The following SLC12A1 variants were observed in gnomAD, a reference collection of about 807,000 sequenced individuals.
The protein encoded by SLC12A1 is Na-K-2Cl cotransporter.
In SLC12A1, 89 loss-of-function variants were observed where a neutral mutation model predicts 130.4. The ratio of observed to expected loss-of-function variants is 0.68; its 90% CI spans 0.58 to 0.81. The LOEUF is 0.81. SLC12A1 is among the 40% of genes least tolerant of loss of function. SLC12A1 has a pLI of 0.00. For synonymous variants in SLC12A1, 499 were observed against 460.0 expected (o/e 1.08, Z -1.09); for missense variants, 1,310 against 1,336.4 (o/e 0.98, Z 0.31).
chr15:48,279,983 C>T (rs1170531727), intron 20 of SLC12A1, among the ~76,000 whole-genome samples: 1 of 151,840 alleles, frequency 6.6e-6, no homozygotes, highest in Non-Finnish European at 1.5e-5. Context: ...GTTGATTGAC[C>T]AAGGAAAGAA....
At chr15:48,269,633 C>T (rs1300091466) in intron 18 of SLC12A1, 25 bp from the exon 19 acceptor site, 1 of 1,329,682 alleles carries the variant, frequency 7.5e-7, no homozygotes, top group Non-Finnish European at 1.1e-6. Flanking sequence ...TAAGGATTGC[C>T]CACATTTTTA....
At chr15:48,243,825 G>A (rs1370682568) in intron 10 of SLC12A1, among the ~76,000 whole-genome samples, 1 of 152,186 alleles carries the variant, frequency 6.6e-6, no homozygotes, top group African/African-American at 2.4e-5. Flanking sequence ...GGTAGAGTTT[G>A]AAATCCAAAG....
intron 19 of SLC12A1, among the ~76,000 whole-genome samples, chr15:48,270,270 T>C (rs2041878646): frequency 6.6e-6 from 1 of 152,178 alleles, no homozygotes; most frequent in South Asian, 2.1e-4. Flanking sequence ...TTTCCGGTGG[T>C]ACATAACCTC....
intron 7 of SLC12A1, among the ~76,000 whole-genome samples, chr15:48,232,261 C>T (rs543085477): frequency 6.6e-6 from 1 of 152,344 alleles, no homozygotes; most frequent in Admixed American, 6.5e-5. Flanking sequence ...CACACAGCGG[C>T]AGCCTGACGT....
At chr15:48,289,254 C>T (rs749378922) in intron 23 of SLC12A1, among the ~76,000 whole-genome samples, 42 of 151,306 alleles carry the variant, frequency 2.8e-4, no homozygotes, top group Non-Finnish European at 5.7e-4. Context: ...AGCTCTTAGT[C>T]CCTCAGGGCA....
chr15:48,301,502 T>TGCGGAG lies in SLC12A1; in HGVS notation c.3164+121_3164+122insCGGAGG, dbSNP rs60810487. ...TTTTGTTTTGTTTTTGTGTTTTTTTTGGGGGGGGGAACACGTGGGATTCTT... is the reference window on the plus strand; with the variant it reads ...TTTTGTTTTGTTTTTGTGTTTTTTTTGCGGAGGGGGGGGGGAACACGTGGGATTCTT... On this transcript the variant is annotated intron_variant, in intron 26 of 26. Coordinates refer to ENST00000380993, the MANE Select transcript of SLC12A1 (RefSeq NM_000338.3). 3.7e-4 allele frequency: 162 copies of TGCGGAG among 439,852 alleles called. 1 individual carries two copies. The highest frequency in any genetic ancestry group is 5.2e-4 in the Non-Finnish European group (145 of 277,466). The allele number at this position is 439,852 out of a possible 1,614,324, so 27.2% of individuals were successfully genotyped here.
At chr15:48,276,096 G>T (rs145059065) in intron 20 of SLC12A1, among the ~76,000 whole-genome samples, 2 of 152,186 alleles carry the variant, frequency 1.3e-5, no homozygotes, top group Non-Finnish European at 2.9e-5. Flanking sequence ...GGAGTTGATT[G>T]AATGTGTGGG....
At chr15:48,271,230 A>G (rs978884704) in intron 19 of SLC12A1, among the ~76,000 whole-genome samples, 6 of 152,198 alleles carry the variant, frequency 3.9e-5, no homozygotes, top group East Asian at 1.9e-4. Context: ...AAAAGAAAAG[A>G]AAGTTGAGCA....
In SLC12A1 at chr15:48,267,603, G is replaced by A; in HGVS notation, c.2197G>A (p.Ala733Thr). Residue 733 changes from alanine to threonine, a missense_variant, in exon 18 of 27, where the codon GCG becomes ACG. Transcript: ENST00000380993. ...LCVKEMNSGM[A>T]KKQAWLIKNK... ...TGTTAAGGAGATGAACAGTGGCATG[G>A]CGAAAAAACAGGCCTGGCTTATAAA... 6.2e-7 allele frequency: 1 copy of A among 1,613,550 alleles called. No homozygotes were observed. Among genetic ancestry groups the A allele is most frequent in the Non-Finnish European group, 8.5e-7 (1 of 1,179,592 alleles).
In SLC12A1 at chr15:48,241,507, T is replaced by A; in HGVS notation, c.1216-8T>A. The A allele has an allele frequency of 6.2e-7, 1 of 1,604,704 alleles. No individual in the cohort carries two copies. The highest frequency in any genetic ancestry group is 8.5e-7 in the Non-Finnish European group (1 of 1,171,410). On this transcript the variant is annotated splice_polypyrimidine_tract_variant and splice_region_variant and intron_variant, in intron 9 of 26. Coordinates refer to ENST00000380993, the MANE Select transcript of SLC12A1 (RefSeq NM_000338.3). The stretch of plus-strand genomic sequence containing the variant: ...GTATTCTTCTACCTCCACATTATTT[T>A]TTTAAAGGATCCCCAAGATGCCATC...
intron 8 of SLC12A1, 87 bp from the exon 9 acceptor site, chr15:48,234,790 T>C: frequency 7.7e-7 from 1 of 1,295,988 alleles, no homozygotes; most frequent in Non-Finnish European, 1.1e-6. Flanking sequence ...TGTATTTTCA[T>C]TTAGGACTAG....
chr15:48,227,902 T>C (rs1329407031), intron 5 of SLC12A1: 1 of 152,312 alleles, frequency 6.6e-6, no homozygotes, highest in Admixed American at 6.5e-5. Context: ...CCTAGGTAAC[T>C]GACTAGCTCA....
intron 18 of SLC12A1, among the ~76,000 whole-genome samples, chr15:48,267,917 G>A (rs545203467): frequency 3.9e-5 from 6 of 152,222 alleles, no homozygotes; most frequent in East Asian, 1.9e-4. Context: ...CACTGGAAAC[G>A]GAAAATGAGG....
intron 5 of SLC12A1, chr15:48,227,021 A>G: frequency 9.1e-7 from 1 of 1,093,398 alleles, no homozygotes; most frequent in South Asian, 1.4e-5. Context: ...TGCCTCCTGA[A>G]GTACTGGTGA....
intron 24 of SLC12A1, among the ~76,000 whole-genome samples, chr15:48,294,601 A>G (rs1763757694): frequency 6.6e-6 from 1 of 152,218 alleles, no homozygotes; most frequent in Non-Finnish European, 1.5e-5. Flanking sequence ...GTAGCCTTCC[A>G]CTTTTTATTC....
At chr15:48,232,263 G>T (rs555306551) in intron 7 of SLC12A1, among the ~76,000 whole-genome samples, 1 of 152,348 alleles carries the variant, frequency 6.6e-6, no homozygotes, top group Admixed American at 6.5e-5. Context: ...CACAGCGGCA[G>T]CCTGACGTCA....
chr15:48,229,734 T>C (rs2041346700), intron 6 of SLC12A1, among the ~76,000 whole-genome samples: 1 of 152,150 alleles, frequency 6.6e-6, no homozygotes, highest in South Asian at 2.1e-4. Context: ...GGAAAGAAAG[T>C]TTAAAAATTA....
intron 15 of SLC12A1, among the ~76,000 whole-genome samples, chr15:48,253,941 A>G (rs540952252): frequency 2.0e-5 from 3 of 152,136 alleles, no homozygotes; most frequent in Non-Finnish European, 4.4e-5. Context: ...TGCCATCCAT[A>G]TATCTTTTTT....
intron 21 of SLC12A1, among the ~76,000 whole-genome samples, chr15:48,286,873 C>G (rs2042065475): frequency 6.6e-6 from 1 of 152,176 alleles, no homozygotes. Flanking sequence ...CAGGAGGCCT[C>G]TGGCTGCTTT....
Sources: allele counts gnomAD v4.1 joint callset (sites outside exome capture counted in the v4.1 genomes callset), GRCh38; gene constraint gnomAD v4.1.1; transcripts MANE v1.5; gene names NCBI Gene and HGNC (gene_info 2026-07-23, HGNC 2026-07-21).